STK10: variants seen among roughly 807,000 people sequenced by gnomAD.
The protein encoded by STK10 is serine/threonine-protein kinase 10.
In STK10, 78 loss-of-function variants were observed where a neutral mutation model predicts 113.8. The observed-to-expected ratio is 0.69, with a 90% CI of 0.57 to 0.83. The LOEUF (loss-of-function observed/expected upper bound fraction) is 0.83. Among genes scored for constraint, STK10 ranks in the 40% least tolerant of loss-of-function variants. The pLI is 0.00. For missense variants in STK10, 1,109 were observed against 1,280.1 expected, an observed-to-expected ratio of 0.87 and a Z score of 2.04; for synonymous variants, 465 against 494.7, an observed-to-expected ratio of 0.94 and a Z score of 0.80.
chr5:172,140,257 G>C (rs186633282), intron 2 of STK10, among the ~76,000 whole-genome samples: 4 of 152,222 alleles, frequency 2.6e-5, no homozygotes, highest in African/African-American at 9.7e-5. Flanking sequence ...TCTTACACCT[G>C]TAAAAATGGC....
At position 172,060,764 on chromosome 5, in the gene STK10, T is replaced by C. The variant is rs1767914848; in HGVS notation, c.2212+375A>G. Among the ~76,000 whole-genome samples, 5 of 152,344 alleles carry C rather than the reference T, an allele frequency of 3.3e-5. No individual in the cohort carries two copies. The South Asian group carries it at 1.0e-3, about 32-fold the overall frequency. On this transcript the variant is annotated intron_variant, in intron 14 of 18. Coordinates refer to ENST00000176763, the MANE Select transcript of STK10 (RefSeq NM_005990.4). ...GGATAACCTAGGCCCTGCCTCACAG[T>C]GTTAGGTGAGGATTTGATGAGATAA...
At chr5:172,121,219 C>T (rs796816093) in intron 3 of STK10, among the ~76,000 whole-genome samples, 3 of 151,784 alleles carry the variant, frequency 2.0e-5, no homozygotes, top group South Asian at 2.1e-4. Flanking sequence ...TTAGTAGAGA[C>T]GGGGTTTCAC....
intron 2 of STK10, among the ~76,000 whole-genome samples, chr5:172,150,031 G>GAGCGA (rs2113810142): frequency 1.7e-5 from 1 of 57,682 alleles, no homozygotes; most frequent in East Asian, 4.5e-4. Context: ...TGGGCAACAA[G>GAGCGA]AACAAAACTT....
At chr5:172,169,763 A>T (rs1003170029) in intron 1 of STK10, among the ~76,000 whole-genome samples, 7 of 152,172 alleles carry the variant, frequency 4.6e-5, no homozygotes, top group African/African-American at 1.7e-4. Context: ...TTGTTACAGG[A>T]ATCGACCCCG....
intron 12 of STK10, among the ~76,000 whole-genome samples, chr5:172,078,950 CA>C (rs1294347972): frequency 1.1e-5 from 1 of 87,656 alleles, no homozygotes; most frequent in Admixed American, 9.8e-5. Flanking sequence ...TATAAGTCCA[CA>C]CACACACACA....
chr5:172,150,360 A>G (rs2113810617), intron 2 of STK10, among the ~76,000 whole-genome samples: 1 of 151,874 alleles, frequency 6.6e-6, no homozygotes, highest in African/African-American at 2.4e-5. Context: ...GCATGCCTGT[A>G]ATCCCAGCTA....
intron 4 of STK10, 128 bp downstream of exon 4, chr5:172,117,353 C>T (rs1769409943): frequency 9.9e-7 from 1 of 1,013,752 alleles, no homozygotes; most frequent in South Asian, 1.6e-5. Flanking sequence ...GCTGACATGC[C>T]AAGAGGGCGT....
chr5:172,160,338 G>C (rs1475200122), intron 1 of STK10, among the ~76,000 whole-genome samples: 1 of 151,758 alleles, frequency 6.6e-6, no homozygotes, highest in Non-Finnish European at 1.5e-5. Flanking sequence ...AGCCAAGTGT[G>C]GTGGCACATG....
intron 4 of STK10, chr5:172,114,826 G>A (rs1220361348): frequency 4.0e-5 from 6 of 151,836 alleles, no homozygotes; most frequent in East Asian, 1.9e-4. Context: ...CTAGAGACGC[G>A]TGCCCATTTG....
At chr5:172,081,989 A>AACAGCATCTCAAATTCCCCCGGACCACC (rs1768440919) in intron 12 of STK10, among the ~76,000 whole-genome samples, 1 of 152,088 alleles carries the variant, frequency 6.6e-6, no homozygotes, top group South Asian at 2.1e-4. Flanking sequence ...CCCTTCTGGG[A>AACAGCATCTCAAATTCCCCCGGACCACC]ACAGCATCTC....
chr5:172,058,085 C>T (rs1273277962), intron 14 of STK10, among the ~76,000 whole-genome samples: 5 of 152,182 alleles, frequency 3.3e-5, no homozygotes, highest in African/African-American at 4.8e-5. Context: ...ATTAATCCAC[C>T]CCTGTGCACA....
intron 2 of STK10, among the ~76,000 whole-genome samples, chr5:172,144,601 A>G (rs1770048235): frequency 6.6e-6 from 1 of 152,096 alleles, no homozygotes; most frequent in African/African-American, 2.4e-5. Flanking sequence ...CTACACCCCC[A>G]GGCCTCCCAG....
intron 1 of STK10, among the ~76,000 whole-genome samples, chr5:172,173,002 T>C (rs919775131): frequency 4.6e-5 from 7 of 151,474 alleles, no homozygotes; most frequent in African/African-American, 1.5e-4. Flanking sequence ...AAAAAGCCTC[T>C]GAGGCGAGGA....
chr5:172,065,852 T>C (rs60320812), intron 12 of STK10, among the ~76,000 whole-genome samples: 58,087 of 152,012 alleles, frequency 0.38, 11,580 homozygotes, highest in African/African-American at 0.48. Context: ...GGAAGCAATG[T>C]CCAGAGATGA....
At chr5:172,091,256 C>A (rs938139032) in intron 9 of STK10, among the ~76,000 whole-genome samples, 1 of 152,188 alleles carries the variant, frequency 6.6e-6, no homozygotes, top group African/African-American at 2.4e-5. Flanking sequence ...AAACCAAAGG[C>A]TGTTTTTATA....
chr5:172,091,821 G>A (rs759158893), intron 9 of STK10, among the ~76,000 whole-genome samples: 3 of 152,134 alleles, frequency 2.0e-5, no homozygotes, highest in Non-Finnish European at 4.4e-5. Context: ...TGTGAGCCAC[G>A]GCGCCCGGCC....
chr5:172,099,242 T>C (rs1768925934), intron 7 of STK10, among the ~76,000 whole-genome samples: 1 of 151,954 alleles, frequency 6.6e-6, no homozygotes, highest in African/African-American at 2.4e-5. Context: ...AGCAGCACAA[T>C]CAGAAAAGCC....
At chr5:172,051,088 A>C (rs111375534) in intron 18 of STK10, among the ~76,000 whole-genome samples, 40 of 151,972 alleles carry the variant, frequency 2.6e-4, no homozygotes, top group African/African-American at 9.6e-4. Context: ...GTCTCAGGAA[A>C]AAAAAAAAAA....
At chr5:172,097,949 G>A (rs570115144) in intron 7 of STK10, among the ~76,000 whole-genome samples, 13 of 152,304 alleles carry the variant, frequency 8.5e-5, no homozygotes, top group Admixed American at 6.5e-4. Context: ...TATAGCCAGG[G>A]ATGTGGGATT....
Sources: gnomAD v4.1 joint callset for allele counts (sites outside exome capture counted in the v4.1 genomes callset) on GRCh38, gnomAD v4.1.1 for gene constraint, MANE v1.5 for transcripts, NCBI Gene and HGNC (gene_info 2026-07-23, HGNC 2026-07-21) for gene names.